Variants in RUFY4 observed in about 807,000 individuals in gnomAD.
The protein encoded by RUFY4 is RUN and FYVE domain-containing protein 4.
Under a neutral mutation model 69.0 loss-of-function variants are expected in RUFY4, and 73 were observed. The ratio of observed to expected loss-of-function variants is 1.06; its 90% CI spans 0.88 to 1.29. The LOEUF (loss-of-function observed/expected upper bound fraction) is 1.29, where lower values mean the gene tolerates loss of function less well. Ranked by LOEUF, RUFY4 falls within the 50% of genes most tolerant of loss-of-function variation. The probability of loss-of-function intolerance (pLI) is 0.00; values close to 1 mark genes in which losing one functional copy is unlikely to be tolerated. For synonymous variants in RUFY4, 287 were observed against 271.8 expected, an observed-to-expected ratio of 1.06 and a Z score of -0.55; for missense variants, 770 against 705.6, an observed-to-expected ratio of 1.09 and a Z score of -1.03.
At chr2:218,085,501 G>A (rs1232762983) in intron 9 of RUFY4, among the ~76,000 whole-genome samples, 1 of 152,178 alleles carries the variant, frequency 6.6e-6, no homozygotes, top group Non-Finnish European at 1.5e-5. Context: ...GAAAAGTGGA[G>A]GAGCTAACCA....
At chr2:218,075,609 G>C in exon 7 of RUFY4, 1 of 1,523,930 alleles carries the variant, frequency 6.6e-7, no homozygotes. Context: ...CATCCTGGGG[G>C]AGCCCTGGGT....
chr2:218,076,796 C>G (rs1175794347), intron 8 of RUFY4, among the ~76,000 whole-genome samples: 1 of 152,184 alleles, frequency 6.6e-6, no homozygotes, highest in Non-Finnish European at 1.5e-5. Flanking sequence ...TGCTTCCTTC[C>G]CACCCTCACC....
rs1689633117 is a variant in RUFY4 at position 218,076,422 on chromosome 2, C to T, written c.1249-5C>T. Reference sequence around the variant, plus strand: ...GCCTCCTTCTCCCCTCCTTCCACCCCACAGAGCCTCAGACTTGGGCTCCGG... The same window carrying T: ...GCCTCCTTCTCCCCTCCTTCCACCCTACAGAGCCTCAGACTTGGGCTCCGG... On this transcript the variant is annotated splice_polypyrimidine_tract_variant and splice_region_variant and intron_variant, in intron 7 of 10. Coordinates refer to ENST00000344321, the Ensembl canonical transcript of RUFY4. The T allele has an allele frequency of 1.9e-6, 3 of 1,549,368 alleles. No homozygotes were observed. Among genetic ancestry groups the T allele is most frequent in the Non-Finnish European group, 1.7e-6 (2 of 1,146,292 alleles).
At chr2:218,041,964 T>C (rs1004565971) in intron 2 of RUFY4, among the ~76,000 whole-genome samples, 6 of 152,348 alleles carry the variant, frequency 3.9e-5, no homozygotes, top group African/African-American at 1.2e-4. Context: ...AAGAGTCCTG[T>C]AGATGCCATC....
intron 6 of RUFY4, among the ~76,000 whole-genome samples, chr2:218,074,810 A>T (rs1689584974): frequency 6.6e-6 from 1 of 152,144 alleles, no homozygotes; most frequent in Admixed American, 6.5e-5. Flanking sequence ...GGGGAACCAG[A>T]TCAATACCCA....
chr2:218,083,358 G>A, intron 9 of RUFY4, 102 bp downstream of exon 11: 1 of 1,441,660 alleles, frequency 6.9e-7, no homozygotes, highest in South Asian at 1.4e-5. Context: ...CTCCCAAGCA[G>A]GGTTCTAGAC....
intron 9 of RUFY4, among the ~76,000 whole-genome samples, chr2:218,087,860 A>G (rs912043112): frequency 6.6e-6 from 1 of 152,160 alleles, no homozygotes; most frequent in Admixed American, 6.5e-5. Flanking sequence ...ATGGTAGCCA[A>G]TAGAGGAACC....
At chr2:218,075,820 T>C in intron 7 of RUFY4, 80 bp downstream of exon 9, 2 of 1,291,024 alleles carry the variant, frequency 1.5e-6, no homozygotes, top group Non-Finnish European at 1.0e-6. Context: ...AATGGTAGCC[T>C]GGGACCATTC....
chr2:218,077,867 A>G (rs1689673054), intron 8 of RUFY4, among the ~76,000 whole-genome samples: 1 of 152,212 alleles, frequency 6.6e-6, no homozygotes, highest in East Asian at 1.9e-4. Flanking sequence ...CAAAATGAAC[A>G]TGGGGGTTCT....
chr2:218,067,059 C>T (rs1484206059), upstream of RUFY4, among the ~76,000 whole-genome samples: 3 of 152,216 alleles, frequency 2.0e-5, no homozygotes, highest in Non-Finnish European at 4.4e-5. Context: ...TGTCAGTCAC[C>T]GTCTCTGTGA....
chr2:218,089,206 G>T, intron 9 of RUFY4, 46 bp from the exon 12 acceptor site: 4 of 1,472,166 alleles, frequency 2.7e-6, no homozygotes, highest in South Asian at 1.2e-5. Context: ...TCTATCTTTT[G>T]ATCTCTGTCT....
chr2:218,058,949 C>T (rs1273604848), intron 3 of RUFY4, among the ~76,000 whole-genome samples: 1 of 152,188 alleles, frequency 6.6e-6, no homozygotes, highest in Non-Finnish European at 1.5e-5. Flanking sequence ...GATGCGTGGT[C>T]TGCAGCAGGA....
intron 2 of RUFY4, among the ~76,000 whole-genome samples, chr2:218,047,315 T>C (rs571557129): frequency 4.1e-4 from 62 of 152,244 alleles, no homozygotes; most frequent in Non-Finnish European, 7.9e-4. Context: ...TTTTTTAACT[T>C]ACAAGTAAAA....
chr2:218,072,400 C>A (rs1406348185), exon 3 of RUFY4: 2 of 1,537,306 alleles, frequency 1.3e-6, no homozygotes, highest in African/African-American at 2.7e-5. Context: ...AGAAGAGCTT[C>A]CTGGGGCCTC....
intron 2 of RUFY4, among the ~76,000 whole-genome samples, chr2:218,055,160 T>G (rs1689033900): frequency 6.6e-6 from 1 of 152,138 alleles, no homozygotes; most frequent in Admixed American, 6.5e-5. Context: ...TTTGGGAGGC[T>G]GAGGCAGGCA....
At chr2:218,066,013 G>A (rs904101499), upstream of RUFY4, among the ~76,000 whole-genome samples, 1 of 152,058 alleles carries the variant, frequency 6.6e-6, no homozygotes, top group Non-Finnish European at 1.5e-5. Context: ...GGACAAGGGG[G>A]GTGGGGAAGG....
At chr2:218,070,053 A>C (rs944650082), upstream of RUFY4, among the ~76,000 whole-genome samples, 1 of 152,134 alleles carries the variant, frequency 6.6e-6, no homozygotes, top group African/African-American at 2.4e-5. Flanking sequence ...ACAGGAAAGG[A>C]TGAGTAGGTG....
At chr2:218,089,260 A>C (rs200850942) in exon 10 of RUFY4, 2 of 1,613,038 alleles carry the variant, frequency 1.2e-6, no homozygotes, top group Non-Finnish European at 1.7e-6. Context: ...AGAGAGAAGG[A>C]CCGCCTGTGG....
intron 9 of RUFY4, among the ~76,000 whole-genome samples, chr2:218,084,973 A>G (rs532875282): frequency 2.0e-5 from 3 of 152,282 alleles, no homozygotes; most frequent in Non-Finnish European, 4.4e-5. Context: ...ACTTGAACCC[A>G]GGAGGCGGAG....
Sources: gnomAD v4.1 joint callset for allele counts (sites outside exome capture counted in the v4.1 genomes callset) on GRCh38, gnomAD v4.1.1 for gene constraint, MANE v1.5 for transcripts, NCBI Gene and HGNC (gene_info 2026-07-23, HGNC 2026-07-21) for gene names.